Variants in DOCK8 observed in about 807,000 individuals in gnomAD.
The protein encoded by DOCK8 is dedicator of cytokinesis 8.
DOCK8 carries 141 observed loss-of-function variants against 245.6 expected under a neutral mutation model. The ratio of observed to expected loss-of-function variants is 0.57; its 90% confidence interval spans 0.50 to 0.66. The LOEUF (loss-of-function observed/expected upper bound fraction) is 0.66, where lower values mean the gene tolerates loss of function less well. Ranked by LOEUF, DOCK8 falls within the 30% of genes least tolerant of loss-of-function variation. The pLI is 0.00. For missense variants in DOCK8, 2,965 were observed against 2,603.4 expected (o/e 1.14, Z -3.02); for synonymous variants, 1,168 against 970.2 (o/e 1.20, Z -3.79).
At chr9:387,753 T>C (rs1167463047) in intron 23 of DOCK8, among the ~76,000 whole-genome samples, 1 of 152,236 alleles carries the variant, frequency 6.6e-6, no homozygotes, top group Non-Finnish European at 1.5e-5. Context: ...TGCTCTAAAA[T>C]TTAATATTAG....
intron 1 of DOCK8, among the ~76,000 whole-genome samples, chr9:234,967 G>A (rs920663692): frequency 6.6e-6 from 1 of 152,136 alleles, no homozygotes; most frequent in Non-Finnish European, 1.5e-5. Flanking sequence ...CAGGAGGAGA[G>A]GCACTCTCAT....
chr9:236,065 C>G (rs1257402526), intron 1 of DOCK8, among the ~76,000 whole-genome samples: 1 of 152,072 alleles, frequency 6.6e-6, no homozygotes, highest in Non-Finnish European at 1.5e-5. Context: ...TTATTTTTTT[C>G]TTACATAACA....
At chr9:346,628 A>G (rs193169083) in intron 14 of DOCK8, among the ~76,000 whole-genome samples, 1 of 152,168 alleles carries the variant, frequency 6.6e-6, no homozygotes, top group Admixed American at 6.5e-5. Flanking sequence ...CAGTTGGAAC[A>G]TGATTTCTCT....
At chr9:403,771 A>G (rs1297623192) in intron 26 of DOCK8, among the ~76,000 whole-genome samples, 1 of 150,496 alleles carries the variant, frequency 6.6e-6, no homozygotes, top group East Asian at 2.0e-4. Flanking sequence ...AGGCTGAGGC[A>G]AGAGAATCGC....
chr9:230,576 T>A (rs2047090922), intron 1 of DOCK8, among the ~76,000 whole-genome samples: 1 of 152,114 alleles, frequency 6.6e-6, no homozygotes, highest in African/African-American at 2.4e-5. Flanking sequence ...TTTCCTGACT[T>A]TTTAATGATC....
At chr9:242,583 A>G (rs1312605464) in intron 1 of DOCK8, among the ~76,000 whole-genome samples, 1 of 152,174 alleles carries the variant, frequency 6.6e-6, no homozygotes, top group Non-Finnish European at 1.5e-5. Context: ...AAAAGTTAAG[A>G]GTGTTCTTAT....
At chr9:445,150 G>A (rs1307680371) in intron 43 of DOCK8, among the ~76,000 whole-genome samples, 1 of 152,208 alleles carries the variant, frequency 6.6e-6, no homozygotes, top group Non-Finnish European at 1.5e-5. Context: ...AGACACACAT[G>A]TCTGGGAGAT....
In DOCK8 at chr9:462,284, C is replaced by T. The variant is rs570083802; in HGVS notation, c.6069-1233C>T. 7.7e-4 allele frequency among the ~76,000 whole-genome samples: 118 copies of T among 152,260 alleles called. 2 individuals carry two copies. Among genetic ancestry groups the T allele is most frequent in the African/African-American group, 2.8e-3 (116 of 41,542 alleles). ...CTTGGACTGGCTTTTAAGTTATTTT[C>T]TCACCTTGAAGCACATACAGTCAAG... On this transcript the variant is annotated intron_variant, in intron 46 of 47. Coordinates refer to ENST00000432829, the MANE Select transcript of DOCK8 (RefSeq NM_203447.4).
chr9:400,620 C>CCAT (rs563611957), intron 26 of DOCK8, among the ~76,000 whole-genome samples: 1 of 74,798 alleles, frequency 1.3e-5, no homozygotes, highest in Non-Finnish European at 2.3e-5. Flanking sequence ...ACCACCTCCA[C>CCAT]CACCATCACC....
chr9:442,621 G>T (rs556433162), intron 42 of DOCK8, among the ~76,000 whole-genome samples: 10 of 151,328 alleles, frequency 6.6e-5, no homozygotes, highest in African/African-American at 2.5e-4. Context: ...AAACAGCCTA[G>T]AGAAAGGTCA....
intron 46 of DOCK8, chr9:460,473 TTGTAAC>T (rs1310404932): frequency 6.6e-6 from 1 of 152,220 alleles, no homozygotes; most frequent in Non-Finnish European, 1.5e-5. Context: ...ATGGTGGTAA[TTGTAAC>T]TGTTAGTTAA....
chr9:295,722 T>TCCATAATA (rs1472029805), intron 4 of DOCK8, among the ~76,000 whole-genome samples: 2 of 152,332 alleles, frequency 1.3e-5, no homozygotes, highest in African/African-American at 2.4e-5. Flanking sequence ...ATTACATTTC[T>TCCATAATA]CCATAATATC....
At chr9:383,797 A>G (rs12351965) in intron 22 of DOCK8, among the ~76,000 whole-genome samples, 7,426 of 150,192 alleles carry the variant, frequency 0.049, 461 homozygotes, top group African/African-American at 0.15. Context: ...GGCTTGCCCT[A>G]TGTTGTTTTT....
At chr9:220,900 T>C (rs2131336690) in intron 1 of DOCK8, 1 of 275,526 alleles carries the variant, frequency 3.6e-6, no homozygotes, top group East Asian at 1.3e-4. Context: ...TTTGTATTTT[T>C]AGTAGAGATG....
chr9:289,453 G>C (rs1476604880), intron 3 of DOCK8, 57 bp from the exon 4 acceptor site: 1 of 1,353,356 alleles, frequency 7.4e-7, no homozygotes, highest in African/African-American at 1.5e-5. Flanking sequence ...ATGATTAGGG[G>C]TTGTTTTGTT....
chr9:358,122 T>C (rs1220977044), intron 14 of DOCK8, among the ~76,000 whole-genome samples: 5 of 152,214 alleles, frequency 3.3e-5, no homozygotes, highest in Non-Finnish European at 1.5e-5. Context: ...TCTCATTCTG[T>C]CACCCAGGCT....
At chr9:287,309 A>G (rs1347257861) in intron 3 of DOCK8, among the ~76,000 whole-genome samples, 1 of 152,210 alleles carries the variant, frequency 6.6e-6, no homozygotes, top group Non-Finnish European at 1.5e-5. Flanking sequence ...TTGGCATCAA[A>G]CTAACTGTGG....
chr9:376,066 A>T (rs545682512), intron 18 of DOCK8, 144 bp from the exon 19 acceptor site: 3 of 698,292 alleles, frequency 4.3e-6, no homozygotes, highest in African/African-American at 1.8e-5. Flanking sequence ...AGGGCTCCTG[A>T]CTCCAAGAAC....
intron 45 of DOCK8, among the ~76,000 whole-genome samples, 164 bp from the exon 46 acceptor site, chr9:451,847 G>A (rs1050034934): frequency 4.1e-5 from 6 of 145,636 alleles, no homozygotes; most frequent in African/African-American, 1.5e-4. Context: ...ATATATGTAT[G>A]AATATATTCA....
Sources: allele counts gnomAD v4.1 joint callset (sites outside exome capture counted in the v4.1 genomes callset), GRCh38; gene constraint gnomAD v4.1.1; transcripts MANE v1.5; gene names NCBI Gene and HGNC (gene_info 2026-07-23, HGNC 2026-07-21).